Variants in PDE11A observed in about 807,000 individuals in gnomAD.
PDE11A encodes phosphodiesterase 11A.
In PDE11A, 100 loss-of-function variants were observed where a neutral mutation model predicts 100.5. The ratio of observed to expected loss-of-function variants is 1.00; its 90% CI spans 0.85 to 1.18. PDE11A has a LOEUF of 1.18. Ranked by LOEUF, PDE11A falls within the 50% of genes most tolerant of loss-of-function variation. PDE11A has a pLI of 0.00. For synonymous variants in PDE11A, 381 were observed against 420.8 expected, an observed-to-expected ratio of 0.91 and a Z score of 1.16; for missense variants, 1,141 against 1,152.6, an observed-to-expected ratio of 0.99 and a Z score of 0.15.
At chr2:177,647,540 A>C (rs1463292716) in intron 19 of PDE11A, among the ~76,000 whole-genome samples, 1 of 152,188 alleles carries the variant, frequency 6.6e-6, no homozygotes, top group African/African-American at 2.4e-5. Flanking sequence ...ACACTACTGA[A>C]CTGCTTAGTG....
At chr2:177,905,726 AACT>A (rs1001955154) in intron 2 of PDE11A, among the ~76,000 whole-genome samples, 7 of 152,148 alleles carry the variant, frequency 4.6e-5, no homozygotes, top group African/African-American at 1.4e-4. Flanking sequence ...GCCCAGTGGG[AACT>A]AGGGGTCAGC....
rs1574076961 is a variant in PDE11A, at chr2:177,629,426, G to C, written c.2783C>G (p.Ala928Gly). ...ASSSPASVMV[A>G]KEDRN ...GGAGGTTTAGTTCCTGTCTTCCTTG[G>C]CTACCATAACACTGGCAGGGGAGGA... The change falls in exon 20 of 20, where the codon GCC becomes GGC. Residue 928 changes from alanine to glycine, a missense_variant. Coordinates refer to ENST00000286063, the MANE Select transcript of PDE11A (RefSeq NM_016953.4). 6.2e-7 allele frequency: 1 copy of C among 1,602,578 alleles called. No homozygotes were observed.
chr2:177,896,408 A>G (rs2084612816), intron 4 of PDE11A, among the ~76,000 whole-genome samples: 1 of 152,210 alleles, frequency 6.6e-6, no homozygotes, highest in African/African-American at 2.4e-5. Flanking sequence ...TTGTTTTTAT[A>G]TCTGTTTACA....
chr2:177,681,015 A>G, intron 15 of PDE11A, 112 bp from the exon 16 acceptor site: 2 of 661,270 alleles, frequency 3.0e-6, no homozygotes, highest in Non-Finnish European at 5.4e-6. Context: ...CACTTGAACC[A>G]AGTAACTTAA....
At chr2:177,864,082 G>A (rs1029196016) in intron 5 of PDE11A, among the ~76,000 whole-genome samples, 3 of 152,018 alleles carry the variant, frequency 2.0e-5, no homozygotes, top group African/African-American at 7.2e-5. Context: ...CATTACACTA[G>A]GTGCTACAGG....
intron 11 of PDE11A, 124 bp from the exon 12 acceptor site, chr2:177,727,889 G>A (rs1483202868): frequency 1.0e-6 from 1 of 975,412 alleles, no homozygotes; most frequent in Non-Finnish European, 1.7e-6. Flanking sequence ...CATCTCTTCT[G>A]GTTCTCACAG....
chr2:178,073,163 G>A (rs1177132170), upstream of PDE11A: 16 of 654,504 alleles, frequency 2.4e-5, no homozygotes, highest in Non-Finnish European at 3.0e-5. Flanking sequence ...AGCGGACTCC[G>A]AGGAATCGAG....
At chr2:178,085,329 A>G (rs1301655656) in intron 2 of PDE11A, among the ~76,000 whole-genome samples, 1 of 152,178 alleles carries the variant, frequency 6.6e-6, no homozygotes, top group Non-Finnish European at 1.5e-5. Context: ...TGTCACCTAC[A>G]ATACCTTAAA....
At chr2:177,757,632 G>A (rs1046899843) in intron 10 of PDE11A, among the ~76,000 whole-genome samples, 7 of 152,156 alleles carry the variant, frequency 4.6e-5, no homozygotes, top group African/African-American at 7.2e-5. Context: ...ACAGAGCCTC[G>A]CTGTAAGTTC....
At chr2:177,931,422 A>C (rs1280586188) in intron 2 of PDE11A, among the ~76,000 whole-genome samples, 1 of 152,158 alleles carries the variant, frequency 6.6e-6, no homozygotes, top group Admixed American at 6.5e-5. Flanking sequence ...CAATACATTC[A>C]AAAAAGTTGA....
At position 178,024,542 on chromosome 2, in the gene PDE11A, G is replaced by A. The variant is rs566847889; in HGVS notation, c.913-10082C>T. On this transcript the variant is annotated intron_variant, in intron 1 of 19. Transcript: ENST00000286063. ...CATACACTTTCCCTGAAGGCTTCAT[G>A]AACTAGGCCTGCATACCTTTTTCAA... Among the ~76,000 whole-genome samples the A allele has an allele frequency of 3.9e-5, 6 of 152,296 alleles. No individual in the cohort carries two copies. In the Middle Eastern group the frequency reaches 0.01, roughly 259 times the overall value.
intron 10 of PDE11A, among the ~76,000 whole-genome samples, chr2:177,731,644 G>A (rs1376115935): frequency 6.6e-6 from 1 of 152,142 alleles, no homozygotes; most frequent in East Asian, 1.9e-4. Context: ...TGGGGGAGTA[G>A]AACAAAGGAT....
At chr2:177,998,866 T>C (rs2086110008) in intron 2 of PDE11A, 1 of 585,728 alleles carries the variant, frequency 1.7e-6, no homozygotes. Context: ...CCTGCACTAT[T>C]ACACCCAACT....
At chr2:177,817,964 C>A (rs777657072) in intron 7 of PDE11A, 39 bp from the exon 8 acceptor site, 2 of 932,048 alleles carry the variant, frequency 2.1e-6, no homozygotes, top group Non-Finnish European at 3.6e-6. Flanking sequence ...ATTTTTAGTA[C>A]TGGACATTGT....
chr2:177,644,096 GC>G (rs1288288256), intron 19 of PDE11A, among the ~76,000 whole-genome samples: 1 of 152,224 alleles, frequency 6.6e-6, no homozygotes, highest in Non-Finnish European at 1.5e-5. Flanking sequence ...GTGGGGGGGA[GC>G]CCCCACACAG....
At chr2:177,712,787 T>C (rs2081375736) in intron 12 of PDE11A, among the ~76,000 whole-genome samples, 1 of 152,196 alleles carries the variant, frequency 6.6e-6, no homozygotes, top group Non-Finnish European at 1.5e-5. Context: ...TTTTACTTTG[T>C]AAGTCTCCCA....
intron 10 of PDE11A, among the ~76,000 whole-genome samples, chr2:177,729,927 T>A (rs2081656877): frequency 6.6e-6 from 1 of 152,142 alleles, no homozygotes. Context: ...TTAGCTGTAG[T>A]AAATTATTTT....
intron 1 of PDE11A, among the ~76,000 whole-genome samples, chr2:178,052,230 C>T (rs1029814756): frequency 3.3e-5 from 5 of 152,208 alleles, no homozygotes; most frequent in African/African-American, 9.7e-5. Flanking sequence ...TGCTCAACTA[C>T]ATGGAAACTG....
intron 2 of PDE11A, among the ~76,000 whole-genome samples, chr2:177,940,249 T>G (rs570887334): frequency 2.0e-5 from 3 of 152,338 alleles, no homozygotes; most frequent in Admixed American, 1.3e-4. Context: ...TTAAAGATTT[T>G]TTTTCAATAT....
Sources: gnomAD v4.1 joint callset for allele counts (sites outside exome capture counted in the v4.1 genomes callset) on GRCh38, gnomAD v4.1.1 for gene constraint, MANE v1.5 for transcripts, NCBI Gene and HGNC (gene_info 2026-07-23, HGNC 2026-07-21) for gene names.